The following TSHZ3 variants were observed in gnomAD, a reference collection of about 807,000 sequenced individuals.
TSHZ3 encodes the protein teashirt homolog 3.
A neutral mutation model predicts 64.5 loss-of-function variants in TSHZ3; 10 were observed. The ratio of observed to expected loss-of-function variants is 0.16; its 90% confidence interval spans 0.10 to 0.26. The LOEUF is 0.26. Ranked by LOEUF, TSHZ3 falls within the 10% of genes least tolerant of loss-of-function variation. The pLI is 1.00. For missense variants in TSHZ3, 1,242 were observed against 1,421.7 expected, an observed-to-expected ratio of 0.87 and a Z score of 2.03; for synonymous variants, 608 against 593.1, an observed-to-expected ratio of 1.03 and a Z score of -0.36.
chr19:31,183,217 TC>T (rs1568340007), intron 5 of TSHZ3, among the ~76,000 whole-genome samples: 85 of 99,584 alleles, frequency 8.5e-4, no homozygotes, highest in African/African-American at 3.8e-3. Context: ...TCTCTCTCTC[TC>T]TCTCTCTCTT....
intron 1 of TSHZ3, among the ~76,000 whole-genome samples, chr19:31,345,688 G>GTTT (rs11377611): frequency 4.0e-5 from 6 of 150,932 alleles, no homozygotes; most frequent in Non-Finnish European, 7.4e-5. Context: ...TTTTTGTTTG[G>GTTT]TTTTTTTTTC....
intron 1 of TSHZ3, among the ~76,000 whole-genome samples, chr19:31,329,351 G>A (rs144995223): frequency 6.6e-6 from 1 of 152,334 alleles, no homozygotes; most frequent in Non-Finnish European, 1.5e-5. Context: ...TGTAAGCAGG[G>A]CTAAAGTTTA....
chr19:31,239,132 T>C (rs926815964), intron 3 of TSHZ3, among the ~76,000 whole-genome samples: 5 of 152,186 alleles, frequency 3.3e-5, no homozygotes, highest in African/African-American at 1.2e-4. Flanking sequence ...TCCCTTCTGA[T>C]ACTTTATACT....
intron 1 of TSHZ3, among the ~76,000 whole-genome samples, chr19:31,323,336 T>C (rs946241244): frequency 6.6e-6 from 1 of 152,164 alleles, no homozygotes. Flanking sequence ...TACTATTCAA[T>C]GGTTTGGGGG....
chr19:31,267,390 A>G (rs991507011), intron 1 of TSHZ3, among the ~76,000 whole-genome samples: 3 of 152,120 alleles, frequency 2.0e-5, no homozygotes, highest in Non-Finnish European at 4.4e-5. Flanking sequence ...CAAATGGGCC[A>G]TGGTGGTCAA....
At chr19:31,274,301 G>T (rs1007404243), downstream of TSHZ3, among the ~76,000 whole-genome samples, 3 of 152,008 alleles carry the variant, frequency 2.0e-5, no homozygotes, top group African/African-American at 7.2e-5. Flanking sequence ...GCGTTTTGTT[G>T]GCATGATTTG....
chr19:31,349,910 C>T (rs1314367343), upstream of TSHZ3, among the ~76,000 whole-genome samples: 2 of 146,158 alleles, frequency 1.4e-5, no homozygotes, highest in Non-Finnish European at 3.1e-5. Flanking sequence ...CGCGCCCCCG[C>T]CCCCGGCCCC....
At chr19:31,178,832 T>C (rs1469770201) in intron 5 of TSHZ3, among the ~76,000 whole-genome samples, 1 of 152,196 alleles carries the variant, frequency 6.6e-6, no homozygotes, top group Non-Finnish European at 1.5e-5. Context: ...TGATGCCTCC[T>C]GTAGAAGATA....
intron 6 of TSHZ3, among the ~76,000 whole-genome samples, chr19:31,152,283 C>CGTGTGT (rs3064806): frequency 8.1e-5 from 12 of 147,402 alleles, no homozygotes; most frequent in South Asian, 4.4e-4. Flanking sequence ...TATATGTGAG[C>CGTGTGT]GTGTGTGTGT....
Position 31,150,216 on chromosome 19 carries a change from A to T in TSHZ3, n.2400T>A, listed in dbSNP as rs1278784481. ...GGGTTGCTGAGAGGAGAATCTGCTG[A>T]CTGCCTCCTCCATGCTCTGAAGTCA... is the stretch of plus-strand genomic sequence containing the variant. On this transcript the variant is annotated non_coding_transcript_exon_variant, in exon 7 of 7. Coordinates refer to the TSHZ3 transcript ENST00000651361. Among the ~76,000 whole-genome samples the T allele has an allele frequency of 2.6e-5, 4 of 152,160 alleles. No individual in the cohort carries two copies. In the South Asian group the frequency reaches 8.3e-4, roughly 31 times the overall value.
At chr19:31,215,101 A>C (rs1975309229) in intron 4 of TSHZ3, among the ~76,000 whole-genome samples, 1 of 152,118 alleles carries the variant, frequency 6.6e-6, no homozygotes. Context: ...TAGGTGTTTC[A>C]AGCATTTCCC....
At chr19:31,219,124 C>A (rs1469227289) in intron 4 of TSHZ3, among the ~76,000 whole-genome samples, 1 of 152,276 alleles carries the variant, frequency 6.6e-6, no homozygotes, top group East Asian at 1.9e-4. Flanking sequence ...GACAGTGAGG[C>A]CTTTATGCTT....
chr19:31,314,122 T>A (rs368199366), intron 1 of TSHZ3, among the ~76,000 whole-genome samples: 38 of 152,300 alleles, frequency 2.5e-4, no homozygotes, highest in Middle Eastern at 3.4e-3. Context: ...GATGACATGA[T>A]GACACAGGGT....
chr19:31,194,094 A>G (rs1974951613), intron 5 of TSHZ3, among the ~76,000 whole-genome samples: 1 of 152,164 alleles, frequency 6.6e-6, no homozygotes, highest in Non-Finnish European at 1.5e-5. Flanking sequence ...GAAATTCATG[A>G]GCAGAACTTC....
At chr19:31,305,100 G>T (rs12327567) in intron 1 of TSHZ3, among the ~76,000 whole-genome samples, 2 of 152,020 alleles carry the variant, frequency 1.3e-5, no homozygotes, top group African/African-American at 2.4e-5. Flanking sequence ...CAAGTGCCAC[G>T]AGCATTTGTG....
intron 3 of TSHZ3, among the ~76,000 whole-genome samples, chr19:31,232,450 T>G (rs1251926458): frequency 6.6e-6 from 1 of 152,190 alleles, no homozygotes; most frequent in African/African-American, 2.4e-5. Flanking sequence ...CTGGCTGTGG[T>G]TAAGTAGGAT....
chr19:31,200,021 C>T (rs1008726223), intron 5 of TSHZ3, among the ~76,000 whole-genome samples: 8 of 151,732 alleles, frequency 5.3e-5, no homozygotes, highest in South Asian at 4.2e-4. Context: ...AATTACATAC[C>T]TCTATATACC....
At chr19:31,223,370 G>A (rs972283619) in intron 4 of TSHZ3, among the ~76,000 whole-genome samples, 7 of 132,640 alleles carry the variant, frequency 5.3e-5, no homozygotes, top group African/African-American at 1.6e-4. Flanking sequence ...TATAACGTGT[G>A]TGTGTGTGTG....
chr19:31,212,625 G>A (rs1455888263), intron 4 of TSHZ3, among the ~76,000 whole-genome samples: 1 of 152,104 alleles, frequency 6.6e-6, no homozygotes, highest in Non-Finnish European at 1.5e-5. Context: ...GGGGAACTCT[G>A]TTACCGGAAC....
Sources: gnomAD v4.1 joint callset for allele counts (sites outside exome capture counted in the v4.1 genomes callset) on GRCh38, gnomAD v4.1.1 for gene constraint, MANE v1.5 for transcripts, NCBI Gene and HGNC (gene_info 2026-07-23, HGNC 2026-07-21) for gene names.